Variants in KIF26B observed in about 807,000 individuals in gnomAD.
KIF26B encodes the protein kinesin-like protein KIF26B.
A neutral mutation model predicts 151.2 loss-of-function variants in KIF26B; 63 were observed. That is an observed-to-expected ratio of 0.42 (90% CI 0.34 to 0.51). KIF26B has a LOEUF of 0.51. Among genes scored for constraint, KIF26B ranks in the 20% least tolerant of loss-of-function variants. The pLI is 0.07. For missense variants in KIF26B, 2,813 were observed against 2,913.6 expected, an observed-to-expected ratio of 0.97 and a Z score of 0.79; for synonymous variants, 1,357 against 1,262.1, an observed-to-expected ratio of 1.08 and a Z score of -1.59.
intron 4 of KIF26B, among the ~76,000 whole-genome samples, chr1:245,444,460 C>A (rs1269882746): frequency 1.3e-5 from 2 of 152,232 alleles, no homozygotes; most frequent in Admixed American, 6.5e-5. Context: ...CAGGAGGCAG[C>A]GGGTGCTGAG....
rs561074646 is a variant in KIF26B, at chr1:245,662,028, A to G, written c.2258+15748A>G. On this transcript the variant is annotated intron_variant, in intron 10 of 14. Coordinates refer to ENST00000407071, the MANE Select transcript of KIF26B (RefSeq NM_018012.4). The stretch of plus-strand genomic sequence containing the variant: ...AATATATATACACCCAATGATATAT[A>G]TATTACACACACCCTATGATATACA... Among the ~76,000 whole-genome samples, 451 of 147,250 alleles carry G rather than the reference A, an allele frequency of 3.1e-3. 106 individuals are homozygous for G. Among genetic ancestry groups the G allele is most frequent in the African/African-American group, 0.01 (404 of 39,320 alleles).
Position 245,684,311 on chromosome 1 carries a change from G to A in KIF26B, c.2337G>A (p.Ser779=), listed in dbSNP as rs1284056538. The part of the protein sequence containing the change: ...NCRTTMIAHI[S]AAVGSYAETL... ...GTACCACCATGATCGCGCACATCTCGGCCGCGGTCGGGAGCTACGCGGAGA... is the reference window on the plus strand; with the variant it reads ...GTACCACCATGATCGCGCACATCTCAGCCGCGGTCGGGAGCTACGCGGAGA... The change falls in exon 11 of 15, where the codon TCG becomes TCA. Residue 779 remains serine (S), a synonymous_variant. Coordinates refer to ENST00000407071, the MANE Select transcript of KIF26B (RefSeq NM_018012.4). 19 of 1,613,970 alleles carry A rather than the reference G, an allele frequency of 1.2e-5. No individual in the cohort carries two copies. The Admixed American group carries it at 1.5e-4, about 13-fold the overall frequency.
intron 4 of KIF26B, among the ~76,000 whole-genome samples, chr1:245,504,655 G>T (rs1045081173): frequency 1.3e-5 from 2 of 151,882 alleles, no homozygotes; most frequent in African/African-American, 4.8e-5. Flanking sequence ...TGCCCAGGCT[G>T]GTCTCGAACT....
chr1:245,258,271 T>C (rs1460058399), intron 2 of KIF26B, among the ~76,000 whole-genome samples: 3 of 152,220 alleles, frequency 2.0e-5, no homozygotes, highest in African/African-American at 4.8e-5. Context: ...TAGGAGCTGC[T>C]GTCCATCCCA....
intron 2 of KIF26B, among the ~76,000 whole-genome samples, chr1:245,360,813 A>C (rs1001283993): frequency 6.6e-6 from 1 of 152,130 alleles, no homozygotes; most frequent in Admixed American, 6.6e-5. Flanking sequence ...GGAGTTCAAG[A>C]CCAGCCTGGC....
At chr1:245,427,773 T>C (rs897046249) in intron 4 of KIF26B, among the ~76,000 whole-genome samples, 4 of 152,214 alleles carry the variant, frequency 2.6e-5, no homozygotes, top group African/African-American at 9.6e-5. Context: ...TTGGTGTCTG[T>C]TCTTTTCTCC....
chr1:245,687,350 A>G lies in KIF26B; in HGVS notation c.4367A>G (p.Asn1456Ser), dbSNP rs748760082. 5.0e-6 allele frequency: 8 copies of G among 1,594,882 alleles called. No individual in the cohort carries two copies. The Admixed American group carries it at 1.1e-4, about 21-fold the overall frequency. Reference sequence around the variant, plus strand: ...GTGAAAAAAGAGACGGCTCATCCCAATGAAGAAGGGATGATGAGGTGTGAG... The same window carrying G: ...GTGAAAAAAGAGACGGCTCATCCCAGTGAAGAAGGGATGATGAGGTGTGAG... ...EEVKKETAHP[N>S]EEGMMRCETA... Residue 1456 changes from asparagine (N) to serine (S), a missense_variant, in exon 12 of 15, where the codon AAT (asparagine) becomes AGT (serine). By Grantham distance (46) the Asn-to-Ser change is conservative. Transcript: ENST00000407071. This position sits in a 1 kb window ranked among gnomAD's most constrained non-coding sequence, Gnocchi z 4.9.
At chr1:245,526,665 C>G (rs1661241369) in intron 4 of KIF26B, among the ~76,000 whole-genome samples, 1 of 152,216 alleles carries the variant, frequency 6.6e-6, no homozygotes, top group African/African-American at 2.4e-5. Flanking sequence ...AATTAATTAG[C>G]TTTGCTCTGA....
intron 2 of KIF26B, among the ~76,000 whole-genome samples, chr1:245,345,339 T>G (rs546119408): frequency 6.6e-6 from 1 of 152,282 alleles, no homozygotes; most frequent in African/African-American, 2.4e-5. Context: ...CACAGTTGTC[T>G]GGGAAACATC....
chr1:245,393,895 C>T (rs1462064911), intron 3 of KIF26B, among the ~76,000 whole-genome samples: 7 of 152,140 alleles, frequency 4.6e-5, no homozygotes, highest in Non-Finnish European at 1.0e-4. Context: ...TTAATCTCTG[C>T]CAGATGGGGA....
At chr1:245,404,895 C>T (rs930739392) in intron 3 of KIF26B, among the ~76,000 whole-genome samples, 2 of 152,160 alleles carry the variant, frequency 1.3e-5, no homozygotes, top group African/African-American at 4.8e-5. Context: ...TTCTGAGGTC[C>T]AGGATTTTTC....
intron 2 of KIF26B, among the ~76,000 whole-genome samples, chr1:245,355,023 C>T (rs73132978): frequency 0.11 from 16,897 of 152,170 alleles, 2,832 homozygotes; most frequent in African/African-American, 0.36. Context: ...CAGGTTCAAG[C>T]GATCCTCCTG....
At position 245,611,774 on chromosome 1, in the gene KIF26B, CT is replaced by C; in HGVS notation, c.1915-17del. ...CCCTCCTCAGCCTGCAGCCTCATCTCTTGGCTTCTGTCTTCCAGCTGCAGAA... is the reference window on the plus strand; with the variant it reads ...CCCTCCTCAGCCTGCAGCCTCATCTCTGGCTTCTGTCTTCCAGCTGCAGAA... On this transcript the variant is annotated intron_variant, in intron 8 of 14. Coordinates refer to ENST00000407071, the MANE Select transcript of KIF26B (RefSeq NM_018012.4). 3.1e-6 allele frequency: 5 copies of C among 1,611,040 alleles called. No homozygotes were observed. Among genetic ancestry groups the C allele is most frequent in the Non-Finnish European group, 4.2e-6 (5 of 1,179,086 alleles).
intron 5 of KIF26B, among the ~76,000 whole-genome samples, chr1:245,556,653 T>C (rs1248795059): frequency 6.6e-6 from 1 of 152,140 alleles, no homozygotes; most frequent in Non-Finnish European, 1.5e-5. Context: ...TTGCCGGCCT[T>C]GGCCTCCCAA....
At chr1:245,341,646 A>G (rs1030672884) in intron 2 of KIF26B, among the ~76,000 whole-genome samples, 2 of 151,996 alleles carry the variant, frequency 1.3e-5, no homozygotes, top group African/African-American at 4.8e-5. Flanking sequence ...GAGAAGGTGA[A>G]CTCTCTGGGC....
chr1:245,408,835 C>A (rs1572047557), intron 3 of KIF26B, among the ~76,000 whole-genome samples: 1 of 152,286 alleles, frequency 6.6e-6, no homozygotes, highest in Admixed American at 6.5e-5. Flanking sequence ...TTCCACCTGG[C>A]AGACGGAATT....
At chr1:245,328,957 T>C (rs551499738) in intron 2 of KIF26B, among the ~76,000 whole-genome samples, 1 of 152,368 alleles carries the variant, frequency 6.6e-6, no homozygotes, top group African/African-American at 2.4e-5. Context: ...ATTAGTATAT[T>C]ATAATCTATT....
chr1:245,348,278 G>A (rs771877897), intron 2 of KIF26B, among the ~76,000 whole-genome samples: 8 of 152,046 alleles, frequency 5.3e-5, no homozygotes, highest in Admixed American at 2.6e-4. Flanking sequence ...TCCCAGGCCC[G>A]TAACTTCCAA....
At position 245,499,116 on chromosome 1, in the gene KIF26B, A is replaced by T. The variant is rs1660568304; in HGVS notation, c.1167-41651A>T. 5.9e-5 allele frequency among the ~76,000 whole-genome samples: 9 copies of T among 152,212 alleles called. No individual in the cohort carries two copies. The South Asian group carries it at 1.9e-3, about 32-fold the overall frequency. ...AGACCAAATCTCTTTTATTTCAGTGATGTCAAGCAGCTCATGTTACCTTCG... is the reference window on the plus strand; with the variant it reads ...AGACCAAATCTCTTTTATTTCAGTGTTGTCAAGCAGCTCATGTTACCTTCG... On this transcript the variant is annotated intron_variant, in intron 4 of 14. Transcript: ENST00000407071.
Sources: allele counts gnomAD v4.1 joint callset (sites outside exome capture counted in the v4.1 genomes callset), GRCh38; gene constraint gnomAD v4.1.1; non-coding constraint Gnocchi (gnomAD v3.1); transcripts MANE v1.5; gene names NCBI Gene and HGNC (gene_info 2026-07-23, HGNC 2026-07-21).